The following COL26A1 variants were observed in gnomAD, a reference collection of about 807,000 sequenced individuals.
The protein encoded by COL26A1 is collagen type XXVI alpha 1 chain, also known as collagen alpha-1(XXVI) chain.
COL26A1 carries 41 observed loss-of-function variants against 59.3 expected under a neutral mutation model. The observed-to-expected ratio is 0.69, with a 90% CI of 0.54 to 0.90. COL26A1 has a LOEUF of 0.90. COL26A1 is among the 40% of genes least tolerant of loss of function. COL26A1 has a pLI of 0.00. For synonymous variants in COL26A1, 266 were observed against 256.0 expected, an observed-to-expected ratio of 1.04 and a Z score of -0.37; for missense variants, 612 against 602.3, an observed-to-expected ratio of 1.02 and a Z score of -0.17.
intron 3 of COL26A1, among the ~76,000 whole-genome samples, chr7:101,491,408 A>G (rs1794457612): frequency 6.6e-6 from 1 of 152,206 alleles, no homozygotes; most frequent in African/African-American, 2.4e-5. Flanking sequence ...AGGGGTCCCA[A>G]TAGAGACCCC....
intron 1 of COL26A1, among the ~76,000 whole-genome samples, chr7:101,413,188 C>T (rs1307127919): frequency 2.0e-5 from 3 of 152,102 alleles, no homozygotes; most frequent in Non-Finnish European, 4.4e-5. Context: ...TTTGATTGCT[C>T]CTCCCCCTAG....
At chr7:101,545,511 G>T (rs560537861) in intron 7 of COL26A1, 21 bp downstream of exon 7, 7 of 1,587,816 alleles carry the variant, frequency 4.4e-6, no homozygotes, top group Non-Finnish European at 6.0e-6. Flanking sequence ...CCCCTGGGGG[G>T]CCAAGGGAGG....
At chr7:101,557,251 C>G in intron 12 of COL26A1, 119 bp from the exon 13 acceptor site, 1 of 981,826 alleles carries the variant, frequency 1.0e-6, no homozygotes, top group South Asian at 1.9e-5. Context: ...AAGCCTGCTG[C>G]TGCCTTGCTT....
intron 1 of COL26A1, among the ~76,000 whole-genome samples, chr7:101,381,268 A>G (rs1450235275): frequency 2.0e-5 from 3 of 151,922 alleles, no homozygotes; most frequent in Admixed American, 6.6e-5. Flanking sequence ...TCCTTCCTCT[A>G]TCTCCAAAGG....
chr7:101,424,485 CT>C (rs1480521510), intron 2 of COL26A1, among the ~76,000 whole-genome samples: 4 of 151,550 alleles, frequency 2.6e-5, no homozygotes, highest in Non-Finnish European at 5.9e-5. Flanking sequence ...GTAATCCCAG[CT>C]ACTCAGGAGG....
rs546598919 is a variant in COL26A1, at chr7:101,412,813, T to C, written c.159-7164T>C. Among the ~76,000 whole-genome samples the C allele has an allele frequency of 3.9e-3, 590 of 152,212 alleles. 7 individuals are homozygous for C. Among genetic ancestry groups the C allele is most frequent in the African/African-American group, 0.013 (539 of 41,548 alleles). ...TAAAAGTTGCAACACCACTGGCTTG[T>C]CCTTGAATTCTTTCCTGGGGGAAAC... On this transcript the variant is annotated intron_variant, in intron 1 of 12. Transcript: ENST00000313669.
chr7:101,492,303 T>G (rs1379536106), intron 3 of COL26A1, among the ~76,000 whole-genome samples: 1 of 152,132 alleles, frequency 6.6e-6, no homozygotes, highest in Non-Finnish European at 1.5e-5. Flanking sequence ...CACTGTTTCT[T>G]GGGGAGCCTC....
At chr7:101,373,799 T>G (rs2117012252) in intron 1 of COL26A1, among the ~76,000 whole-genome samples, 1 of 152,336 alleles carries the variant, frequency 6.6e-6, no homozygotes, top group Non-Finnish European at 1.5e-5. Flanking sequence ...GACCTTGTCC[T>G]CAAGCTCCAG....
At chr7:101,450,367 G>A (rs962665949) in intron 3 of COL26A1, among the ~76,000 whole-genome samples, 2 of 152,154 alleles carry the variant, frequency 1.3e-5, no homozygotes, top group African/African-American at 4.8e-5. Flanking sequence ...AGCCTGCATG[G>A]CTGACTCAGA....
At chr7:101,524,984 G>C (rs1795210847) in intron 3 of COL26A1, among the ~76,000 whole-genome samples, 1 of 152,034 alleles carries the variant, frequency 6.6e-6, no homozygotes, top group Non-Finnish European at 1.5e-5. Context: ...GACAGACTTT[G>C]TCCATGCCCA....
In COL26A1 at chr7:101,481,362, G is replaced by A. The variant is rs555885949; in HGVS notation, c.385+33575G>A. Among the ~76,000 whole-genome samples, 4 of 150,236 alleles carry A rather than the reference G, an allele frequency of 2.7e-5. No individual in the cohort carries two copies. The South Asian group carries it at 8.4e-4, about 32-fold the overall frequency. On this transcript the variant is annotated intron_variant, in intron 3 of 12. Transcript: ENST00000313669. ...GTCTTCAGTTTTTCTCTTTATTCTT[G>A]TAAGCACCTCCTTTCTTTCTTGGGA...
At chr7:101,549,137 G>T in intron 8 of COL26A1, 34 bp from the exon 9 acceptor site, 1 of 1,417,858 alleles carries the variant, frequency 7.1e-7, no homozygotes, top group Non-Finnish European at 9.6e-7. Flanking sequence ...CCCCCTCTCT[G>T]GCCCCAGGTG....
chr7:101,485,892 C>G (rs6465810), intron 3 of COL26A1, among the ~76,000 whole-genome samples: 135,858 of 152,158 alleles, frequency 0.89, 60,969 homozygotes, highest in East Asian at 1. Context: ...CTCAGCGGAG[C>G]CCGGGCACGA....
rs1219257739 is a variant in COL26A1 at position 101,555,814 on chromosome 7, G to A, written c.1108G>A (p.Ala370Thr). 2 of 1,611,590 alleles carry A rather than the reference G, an allele frequency of 1.2e-6. No individual in the cohort carries two copies. Among genetic ancestry groups the A allele is most frequent in the South Asian group, 1.1e-5 (1 of 90,132 alleles). The change falls in exon 12 of 13, where the codon GCC becomes ACC. Residue 370 changes from alanine to threonine, a missense_variant. Ala to Thr is a moderately conservative substitution (Grantham distance 58, BLOSUM62 0). Coordinates refer to ENST00000313669, the MANE Select transcript of COL26A1 (RefSeq NM_001278563.3). ...EGEGVQQLREALKILAERVLI... is the reference protein window; with the variant it reads ...EGEGVQQLRETLKILAERVLI... ...CGAGGGGGTGCAGCAGCTGAGAGAG[G>A]CCCTGAAGATCCTGGCAGAGCGAGT...
chr7:101,420,803 C>G (rs905165020), intron 2 of COL26A1, among the ~76,000 whole-genome samples: 1 of 151,828 alleles, frequency 6.6e-6, no homozygotes, highest in Non-Finnish European at 1.5e-5. Context: ...CCAGCCCTGA[C>G]CAGACCACAG....
chr7:101,399,363 C>CTTCT (rs926766940), intron 1 of COL26A1, among the ~76,000 whole-genome samples: 2 of 152,060 alleles, frequency 1.3e-5, no homozygotes, highest in Admixed American at 6.6e-5. Context: ...TTGTCTCTCT[C>CTTCT]TTCTTTCTTT....
rs1446461268 is a variant in COL26A1 at position 101,484,617 on chromosome 7, C to T, written c.385+36830C>T. Among the ~76,000 whole-genome samples the T allele has an allele frequency of 4.0e-5, 6 of 151,794 alleles. No individual in the cohort carries two copies. The East Asian group carries it at 1.2e-3, about 30-fold the overall frequency. ...AACTCCTGACCTCGTGATCTGCCCA[C>T]CTCAGCCTCCCAAAGTGCTGGAATT... On this transcript the variant is annotated intron_variant, in intron 3 of 12. Transcript: ENST00000313669.
intron 3 of COL26A1, among the ~76,000 whole-genome samples, chr7:101,488,372 A>ATG (rs2130513093): frequency 8.5e-6 from 1 of 117,598 alleles, no homozygotes; most frequent in African/African-American, 3.4e-5. Context: ...ATATATATAT[A>ATG]TATATACACA....
intron 3 of COL26A1, among the ~76,000 whole-genome samples, chr7:101,462,551 A>G (rs1002895384): frequency 2.0e-5 from 3 of 151,240 alleles, no homozygotes; most frequent in East Asian, 3.9e-4. Flanking sequence ...TCCTGACTTC[A>G]GGTGATCTGC....
Sources: allele counts gnomAD v4.1 joint callset (sites outside exome capture counted in the v4.1 genomes callset), GRCh38; gene constraint gnomAD v4.1.1; transcripts MANE v1.5; gene names NCBI Gene and HGNC (gene_info 2026-07-23, HGNC 2026-07-21).